TUSC3: variants seen among roughly 807,000 people sequenced by gnomAD.
TUSC3 encodes tumor suppressor candidate 3, also known as dolichyl-diphosphooligosaccharide--protein glycosyltransferase subunit TUSC3.
TUSC3 carries 45 observed loss-of-function variants against 44.8 expected under a neutral mutation model. The ratio of observed to expected loss-of-function variants is 1.00; its 90% CI spans 0.79 to 1.29. TUSC3 has a LOEUF of 1.29. Ranked by LOEUF, TUSC3 falls within the 50% of genes most tolerant of loss-of-function variation. The pLI is 0.00. For synonymous variants in TUSC3, 212 were observed against 152.9 expected (o/e 1.39, Z -2.85); for missense variants, 519 against 437.9 (o/e 1.19, Z -1.65).
chr8:15,619,341 A>G (rs1054411426), intron 1 of TUSC3, among the ~76,000 whole-genome samples: 4 of 152,200 alleles, frequency 2.6e-5, no homozygotes, highest in Non-Finnish European at 4.4e-5. Context: ...GTAATCAAAT[A>G]TAATACATGC....
intron 6 of TUSC3, among the ~76,000 whole-genome samples, chr8:15,702,241 G>C (rs1268696987): frequency 2.0e-5 from 3 of 152,098 alleles, no homozygotes; most frequent in African/African-American, 7.2e-5. Context: ...TGTTACCAAA[G>C]CCAGAATCTT....
chr8:15,609,002 C>T (rs191219805), intron 1 of TUSC3, among the ~76,000 whole-genome samples: 13 of 152,168 alleles, frequency 8.5e-5, no homozygotes, highest in South Asian at 4.1e-4. Context: ...GAAAAACAAG[C>T]GTTGGAAATT....
chr8:15,732,565 G>GA (rs35902991), intron 7 of TUSC3, among the ~76,000 whole-genome samples: 10,154 of 150,002 alleles, frequency 0.068, 820 homozygotes, highest in African/African-American at 0.2. Flanking sequence ...AGATGACCAG[G>GA]AAAAAAAAAA....
intron 1 of TUSC3, among the ~76,000 whole-genome samples, chr8:15,622,638 T>C (rs1805301388): frequency 6.6e-6 from 1 of 152,224 alleles, no homozygotes; most frequent in Non-Finnish European, 1.5e-5. Context: ...CTTTTGTGTA[T>C]AGTTGCAGCT....
At chr8:15,431,411 A>G (rs1799872663) in intron 1 of TUSC3, among the ~76,000 whole-genome samples, 1 of 151,400 alleles carries the variant, frequency 6.6e-6, no homozygotes. Context: ...GTTTAAATTT[A>G]TTTTTATTTT....
rs145566518 is a variant in TUSC3, at chr8:15,427,008, C to T, written n.91+9703C>T. Among the ~76,000 whole-genome samples, 1,349 of 151,620 alleles carry T rather than the reference C, an allele frequency of 8.9e-3. 19 individuals carry two copies. Among genetic ancestry groups the T allele is most frequent in the African/African-American group, 0.025 (1,053 of 41,372 alleles). On this transcript the variant is annotated intron_variant and non_coding_transcript_variant, in intron 1 of 5. Coordinates refer to the TUSC3 transcript ENST00000503191. The stretch of plus-strand genomic sequence containing the variant: ...TTCATATACCTGGTTGGCATTTGTA[C>T]GTCTACATTGAAGAAATGTTTAAGT...
chr8:15,848,407 C>T, the TUSC3 span, among the ~76,000 whole-genome samples: 23 of 152,282 alleles, frequency 1.5e-4, no homozygotes, highest in South Asian at 1.5e-3. Flanking sequence ...GGATGTCTTT[C>T]CATGCTTTAG....
At chr8:15,670,499 A>G (rs1807900276) in intron 5 of TUSC3, among the ~76,000 whole-genome samples, 1 of 151,854 alleles carries the variant, frequency 6.6e-6, no homozygotes, top group Admixed American at 6.6e-5. Flanking sequence ...CCATATGGGA[A>G]AAAGATGAAT....
chr8:15,745,228 AT>A (rs1338345954), intron 8 of TUSC3, among the ~76,000 whole-genome samples: 3 of 151,856 alleles, frequency 2.0e-5, no homozygotes, highest in African/African-American at 7.3e-5. Flanking sequence ...ACCTGGGTTG[AT>A]TTCATTTTTT....
intron 7 of TUSC3, among the ~76,000 whole-genome samples, chr8:15,734,489 T>C (rs958825125): frequency 2.0e-5 from 3 of 152,204 alleles, no homozygotes; most frequent in African/African-American, 7.2e-5. Context: ...ATATAAACCA[T>C]CTAAAAATAA....
At chr8:15,759,903 G>C (rs1351239741) in intron 10 of TUSC3, among the ~76,000 whole-genome samples, 1 of 152,074 alleles carries the variant, frequency 6.6e-6, no homozygotes, top group Non-Finnish European at 1.5e-5. Flanking sequence ...AGTCACACAA[G>C]ATGGAAATCT....
intron 2 of TUSC3, among the ~76,000 whole-genome samples, chr8:15,636,986 A>G (rs1385090501): frequency 2.6e-5 from 4 of 152,278 alleles, no homozygotes; most frequent in Admixed American, 1.3e-4. Flanking sequence ...TTGTGGGCCA[A>G]AGTATATTTT....
rs142378966 is a variant in TUSC3 at position 15,680,226 on chromosome 8, G to C, written c.798+6390G>C. On this transcript the variant is annotated intron_variant, in intron 6 of 10. Coordinates refer to ENST00000503731, the MANE Select transcript of TUSC3 (RefSeq NM_006765.4). ...CCTTCCAATCCATGAGCATGGGTTGGTTTTCCATTTATTTGTGTCATCTAT... is the reference window on the plus strand; with the variant it reads ...CCTTCCAATCCATGAGCATGGGTTGCTTTTCCATTTATTTGTGTCATCTAT... Among the ~76,000 whole-genome samples, 795 of 151,966 alleles carry C rather than the reference G, an allele frequency of 5.2e-3. 8 individuals carry two copies. Among genetic ancestry groups the C allele is most frequent in the African/African-American group, 0.018 (757 of 41,490 alleles).
intron 1 of TUSC3, among the ~76,000 whole-genome samples, chr8:15,587,354 A>C (rs368195148): frequency 6.6e-6 from 1 of 152,078 alleles, no homozygotes; most frequent in East Asian, 1.9e-4. Context: ...GCATTATAAC[A>C]TTATGTTTTG....
chr8:15,834,496 A>G, the TUSC3 span, among the ~76,000 whole-genome samples: 13 of 152,140 alleles, frequency 8.5e-5, no homozygotes, highest in Non-Finnish European at 1.3e-4. Flanking sequence ...TGAAACAGGT[A>G]TGTTTCAACA....
At chr8:15,805,789 C>A in the TUSC3 span, among the ~76,000 whole-genome samples, 1 of 151,896 alleles carries the variant, frequency 6.6e-6, no homozygotes, top group Non-Finnish European at 1.5e-5. Context: ...TTGTTGTGTC[C>A]TGTGAGGTTT....
At chr8:15,655,704 C>G (rs7831708) in intron 3 of TUSC3, among the ~76,000 whole-genome samples, 2,992 of 152,266 alleles carry the variant, frequency 0.02, 97 homozygotes, top group African/African-American at 0.068. Flanking sequence ...AGCCAAGAAT[C>G]AAGTTGCTGC....
the TUSC3 span, among the ~76,000 whole-genome samples, chr8:15,843,914 C>G: frequency 6.6e-6 from 1 of 152,158 alleles, no homozygotes; most frequent in East Asian, 1.9e-4. Flanking sequence ...CTACCTTAAG[C>G]TGTATTTGTA....
chr8:15,788,362 C>A, the TUSC3 span, among the ~76,000 whole-genome samples: 1 of 152,018 alleles, frequency 6.6e-6, no homozygotes, highest in Non-Finnish European at 1.5e-5. Context: ...GCCTGGCCAA[C>A]ATGGGGAAAC....
Sources: gnomAD v4.1 joint callset for allele counts (sites outside exome capture counted in the v4.1 genomes callset) on GRCh38, gnomAD v4.1.1 for gene constraint, MANE v1.5 for transcripts, NCBI Gene and HGNC (gene_info 2026-07-23, HGNC 2026-07-21) for gene names.